SLC23A2: variants seen among roughly 807,000 people sequenced by gnomAD.
SLC23A2 encodes solute carrier family 23 member 2, also known as Na(+)/L-ascorbic acid transporter 2.
Under a neutral mutation model 73.3 loss-of-function variants are expected in SLC23A2, and 36 were observed. The ratio of observed to expected loss-of-function variants is 0.49; its 90% CI spans 0.38 to 0.65. SLC23A2 has a LOEUF of 0.65. Ranked by LOEUF, SLC23A2 falls within the 30% of genes least tolerant of loss-of-function variation. SLC23A2 has a pLI of 0.00. For synonymous variants in SLC23A2, 343 were observed against 327.3 expected, an observed-to-expected ratio of 1.05 and a Z score of -0.52; for missense variants, 507 against 841.6, an observed-to-expected ratio of 0.60 and a Z score of 4.92.
intron 1 of SLC23A2, among the ~76,000 whole-genome samples, chr20:4,971,592 G>C (rs1256422072): frequency 1.3e-5 from 2 of 150,312 alleles, no homozygotes; most frequent in Non-Finnish European, 3.0e-5. Flanking sequence ...GACCAGCCTG[G>C]GCAACATAGT....
intron 2 of SLC23A2, among the ~76,000 whole-genome samples, chr20:4,968,945 A>G (rs2087518355): frequency 6.6e-6 from 1 of 150,896 alleles, no homozygotes; most frequent in South Asian, 2.1e-4. Flanking sequence ...CTGGTCTCGA[A>G]CTCCTGACCT....
intron 1 of SLC23A2, among the ~76,000 whole-genome samples, chr20:4,983,943 T>A: frequency 4.4e-5 from 6 of 136,828 alleles, no homozygotes; most frequent in South Asian, 2.4e-4. Context: ...GCAACAAGAG[T>A]AAAACTGTGT....
intron 10 of SLC23A2, 123 bp from the exon 11 acceptor site, chr20:4,874,215 C>CTTT: frequency 1.6e-6 from 1 of 619,904 alleles, no homozygotes; most frequent in Non-Finnish European, 2.5e-6. Flanking sequence ...CTTTGCAGAC[C>CTTT]TTCCTTGAAT....
chr20:4,942,613 A>T (rs2087060468), intron 2 of SLC23A2, among the ~76,000 whole-genome samples: 1 of 152,208 alleles, frequency 6.6e-6, no homozygotes, highest in South Asian at 2.1e-4. Context: ...TCAGCCTGTA[A>T]TGATTTCTTT....
At chr20:4,969,254 ATT>A (rs2087524552) in intron 2 of SLC23A2, among the ~76,000 whole-genome samples, 1 of 151,544 alleles carries the variant, frequency 6.6e-6, no homozygotes, top group Non-Finnish European at 1.5e-5. Flanking sequence ...TGCCTGGCTA[ATT>A]TTTTGTACTT....
intron 3 of SLC23A2, among the ~76,000 whole-genome samples, chr20:4,922,718 G>T (rs959374774): frequency 6.6e-6 from 1 of 151,960 alleles, no homozygotes; most frequent in Non-Finnish European, 1.5e-5. Context: ...GTCCCAGCTA[G>T]CTACTTGGGA....
At chr20:4,949,596 G>C (rs1334185334) in intron 2 of SLC23A2, among the ~76,000 whole-genome samples, 1 of 151,968 alleles carries the variant, frequency 6.6e-6, no homozygotes. Context: ...TTCTAGTAAT[G>C]CAGCTGTGCA....
Position 4,940,328 on chromosome 20 carries a change from T to C in SLC23A2, c.-154-7612A>G, listed in dbSNP as rs182317703. Among the ~76,000 whole-genome samples, 462 of 151,684 alleles carry C rather than the reference T, an allele frequency of 3.0e-3. 2 individuals are homozygous for C. The highest frequency in any genetic ancestry group is 0.011 in the African/African-American group (443 of 41,302). On this transcript the variant is annotated intron_variant, in intron 2 of 16. Coordinates refer to ENST00000338244, the MANE Select transcript of SLC23A2 (RefSeq NM_005116.6). The stretch of plus-strand genomic sequence containing the variant: ...AGACCCCATCTCAAAATAACAACAA[T>C]AATAATAAGCAAGGATAGCCACAAA...
At chr20:4,959,896 AC>A in intron 2 of SLC23A2, among the ~76,000 whole-genome samples, 1 of 152,240 alleles carries the variant, frequency 6.6e-6, no homozygotes, top group East Asian at 1.9e-4. Flanking sequence ...CAATCCTCCC[AC>A]CTCAGCCTCA....
At chr20:4,985,847 G>A (rs1392151651) in intron 1 of SLC23A2, among the ~76,000 whole-genome samples, 1 of 152,182 alleles carries the variant, frequency 6.6e-6, no homozygotes, top group East Asian at 1.9e-4. Context: ...GAAAAGGGGA[G>A]AAGGGAGAGT....
intron 2 of SLC23A2, among the ~76,000 whole-genome samples, chr20:4,935,659 C>A (rs574384908): frequency 5.3e-5 from 8 of 151,936 alleles, no homozygotes; most frequent in African/African-American, 1.9e-4. Context: ...ATTAGCCGGG[C>A]GTGGTGGCGG....
chr20:4,879,503 G>A lies in SLC23A2; in HGVS notation c.824+4139C>T, dbSNP rs569347778. 4.0e-5 allele frequency among the ~76,000 whole-genome samples: 6 copies of A among 150,668 alleles called. No homozygotes were observed. In the South Asian group the frequency reaches 8.4e-4, roughly 21 times the overall value. ...TGAATTTTAAAAATAAAATTCAGGG[G>A]AAGGGACTATTACCATAGTTTTATC... On this transcript the variant is annotated intron_variant, in intron 9 of 16. Transcript: ENST00000338244.
intron 1 of SLC23A2, among the ~76,000 whole-genome samples, chr20:5,009,121 G>A (rs2088221870): frequency 6.6e-6 from 1 of 152,102 alleles, no homozygotes; most frequent in African/African-American, 2.4e-5. Flanking sequence ...GGAGGCATTT[G>A]GCACAGCTGT....
At chr20:4,963,299 T>C (rs561541624) in intron 2 of SLC23A2, among the ~76,000 whole-genome samples, 1 of 152,276 alleles carries the variant, frequency 6.6e-6, no homozygotes, top group South Asian at 2.1e-4. Context: ...GTTTTCTGGG[T>C]CTATCCAGTT....
At chr20:4,874,461 A>C in intron 10 of SLC23A2, 115 bp downstream of exon 10, 1 of 935,644 alleles carries the variant, frequency 1.1e-6, no homozygotes, top group Non-Finnish European at 1.6e-6. Context: ...GCCTGGTCTC[A>C]CTGCACAGAT....
chr20:4,915,891 T>C (rs553145149), intron 3 of SLC23A2, among the ~76,000 whole-genome samples: 1 of 152,270 alleles, frequency 6.6e-6, no homozygotes, highest in African/African-American at 2.4e-5. Flanking sequence ...GAGGTTGCAG[T>C]GAGCCGAGAT....
intron 1 of SLC23A2, among the ~76,000 whole-genome samples, chr20:4,996,560 C>T (rs369097540): frequency 1.3e-5 from 2 of 151,866 alleles, no homozygotes; most frequent in East Asian, 3.9e-4. Context: ...GTGGTATGCA[C>T]CCATAATCCC....
chr20:4,880,229 C>T (rs1332822249), intron 9 of SLC23A2, among the ~76,000 whole-genome samples: 4 of 152,216 alleles, frequency 2.6e-5, no homozygotes, highest in African/African-American at 4.8e-5. Context: ...CAAGTTAGTG[C>T]ATATAGTCTC....
chr20:4,870,119 C>T (rs897518529), intron 11 of SLC23A2, 66 bp from the exon 12 acceptor site: 3 of 1,369,626 alleles, frequency 2.2e-6, no homozygotes, highest in South Asian at 1.4e-5. Flanking sequence ...GACCAGTTAC[C>T]CAAAGTCATT....
Sources: gnomAD v4.1 joint callset for allele counts (sites outside exome capture counted in the v4.1 genomes callset) on GRCh38, gnomAD v4.1.1 for gene constraint, MANE v1.5 for transcripts, NCBI Gene and HGNC (gene_info 2026-07-23, HGNC 2026-07-21) for gene names.